ERBB4: variants seen among roughly 807,000 people sequenced by gnomAD.
ERBB4 encodes the protein receptor tyrosine-protein kinase erbB-4.
A neutral mutation model predicts 158.0 loss-of-function variants in ERBB4; 42 were observed. That is an observed-to-expected ratio of 0.27 (90% confidence interval 0.21 to 0.34). ERBB4 has a LOEUF of 0.34. ERBB4 is among the 10% of genes least tolerant of loss of function. The pLI, the probability that ERBB4 is intolerant of heterozygous loss-of-function variation, is 1.00. For missense variants in ERBB4, 1,333 were observed against 1,624.1 expected (o/e 0.82, Z 3.08); for synonymous variants, 583 against 558.7 (o/e 1.04, Z -0.61).
chr2:212,248,100 ATTTTG>A (rs1201899549), intron 1 of ERBB4, among the ~76,000 whole-genome samples: 1 of 152,168 alleles, frequency 6.6e-6, no homozygotes, highest in Non-Finnish European at 1.5e-5. Context: ...CATGGCTTGA[ATTTTG>A]TTTTTACTTT....
intron 13 of ERBB4, among the ~76,000 whole-genome samples, 176 bp from the exon 14 acceptor site, chr2:211,673,433 A>AT (rs1416699172): frequency 2.7e-5 from 4 of 148,214 alleles, no homozygotes; most frequent in Non-Finnish European, 6.0e-5. Flanking sequence ...AACTGCAGCC[A>AT]GATGGCTCTC....
rs1382065948 is a variant in ERBB4, at chr2:212,249,454, AACAT to A, written c.83-124555_83-124552del. 2.3e-4 allele frequency among the ~76,000 whole-genome samples: 23 copies of A among 100,016 alleles called. 1 individual carries two copies. Among genetic ancestry groups the A allele is most frequent in the African/African-American group, 8.5e-4 (23 of 27,116 alleles). 65.6% of individuals were successfully genotyped at this position (100,016 alleles called of 152,430 possible). On this transcript the variant is annotated intron_variant, in intron 1 of 27. Transcript: ENST00000342788. ...TCATGATATAGAAAAGATAGGTTGA[AACAT>A]ACAATTAGCTAGAGGGAAAAGCAAG...
intron 19 of ERBB4, among the ~76,000 whole-genome samples, chr2:211,596,593 C>G (rs1334568998): frequency 6.6e-6 from 1 of 152,082 alleles, no homozygotes; most frequent in African/African-American, 2.4e-5. Flanking sequence ...TTTCCAGCAC[C>G]CTGAGACCCC....
At chr2:211,566,669 T>C (rs989374086) in intron 19 of ERBB4, among the ~76,000 whole-genome samples, 23 of 152,174 alleles carry the variant, frequency 1.5e-4, no homozygotes, top group Admixed American at 1.2e-3. Context: ...GTTCCTTCAT[T>C]GAATTATAAC....
intron 20 of ERBB4, among the ~76,000 whole-genome samples, chr2:211,501,755 T>C (rs62178814): frequency 0.099 from 15,071 of 152,122 alleles, 915 homozygotes; most frequent in African/African-American, 0.17. Context: ...CTAAAATGTA[T>C]TCTATAGCTT....
At chr2:212,164,285 TATG>T (rs1329005707) in intron 1 of ERBB4, among the ~76,000 whole-genome samples, 4 of 96,664 alleles carry the variant, frequency 4.1e-5, no homozygotes, top group Non-Finnish European at 6.9e-5. Flanking sequence ...TTCAAAGACG[TATG>T]ATATTTTTAA....
chr2:211,929,042 A>T (rs538836025), intron 3 of ERBB4, among the ~76,000 whole-genome samples: 16 of 152,168 alleles, frequency 1.1e-4, no homozygotes, highest in Non-Finnish European at 1.8e-4. Context: ...CATACCAATA[A>T]GCAAATGAAA....
intron 4 of ERBB4, chr2:211,779,110 C>T (rs774979062): frequency 1.3e-5 from 2 of 152,164 alleles, no homozygotes; most frequent in African/African-American, 2.4e-5. Flanking sequence ...CATATATTTA[C>T]AGTAGGGGTA....
At chr2:212,401,658 T>C (rs1021703557) in intron 1 of ERBB4, among the ~76,000 whole-genome samples, 2 of 152,146 alleles carry the variant, frequency 1.3e-5, no homozygotes, top group African/African-American at 4.8e-5. Flanking sequence ...AATTAACCAT[T>C]ATGTTTATTA....
intron 1 of ERBB4, among the ~76,000 whole-genome samples, chr2:212,528,010 T>C (rs181995092): frequency 1.1e-3 from 162 of 151,870 alleles, no homozygotes; most frequent in Non-Finnish European, 1.6e-3. Context: ...AAATCTTGCA[T>C]ACGCCCCTGA....
chr2:211,556,475 T>C (rs534780537), intron 20 of ERBB4, among the ~76,000 whole-genome samples: 2 of 152,252 alleles, frequency 1.3e-5, no homozygotes, highest in East Asian at 3.9e-4. Flanking sequence ...CCAAAAACAA[T>C]AGAATATACT....
chr2:212,122,221 G>C (rs1464443851), intron 2 of ERBB4, among the ~76,000 whole-genome samples: 1 of 151,558 alleles, frequency 6.6e-6, no homozygotes, highest in Non-Finnish European at 1.5e-5. Context: ...TTACATATCT[G>C]TCATCCTCAA....
chr2:211,941,615 C>T (rs2080499087), intron 3 of ERBB4, among the ~76,000 whole-genome samples: 1 of 151,944 alleles, frequency 6.6e-6, no homozygotes, highest in African/African-American at 2.4e-5. Context: ...AAAGACAGCA[C>T]TCTTCCTGAG....
At chr2:211,823,585 T>C (rs544354137) in intron 3 of ERBB4, among the ~76,000 whole-genome samples, 18 of 152,048 alleles carry the variant, frequency 1.2e-4, no homozygotes, top group Non-Finnish European at 2.5e-4. Flanking sequence ...ATGGAGAATC[T>C]ATAGAACCTT....
rs970608899 is a variant in ERBB4 at position 211,659,897 on chromosome 2, G to A, written c.1872-2069C>T. ...TGAAAAAGTGGTTCATGGTAGTGTG[G>A]AGGGCAGACACCTAGAGCCAACCTA... On this transcript the variant is annotated intron_variant, in intron 15 of 27. Coordinates refer to ENST00000342788, the MANE Select transcript of ERBB4 (RefSeq NM_005235.3). Among the ~76,000 whole-genome samples the A allele has an allele frequency of 3.9e-5, 6 of 152,284 alleles. No individual in the cohort carries two copies. In the Middle Eastern group the frequency reaches 0.014, roughly 345 times the overall value.
At chr2:211,695,174 C>T (rs536506319) in intron 12 of ERBB4, among the ~76,000 whole-genome samples, 133 of 152,222 alleles carry the variant, frequency 8.7e-4, no homozygotes, top group African/African-American at 3.2e-3. Flanking sequence ...ACCTTCCATT[C>T]CCTACTTATT....
At chr2:212,487,662 G>T (rs1182943442) in intron 1 of ERBB4, among the ~76,000 whole-genome samples, 11 of 151,370 alleles carry the variant, frequency 7.3e-5, no homozygotes, top group Non-Finnish European at 2.9e-5. Context: ...CATATTACAT[G>T]CCATCAAAGA....
chr2:212,421,359 G>T (rs1268448854), intron 1 of ERBB4, among the ~76,000 whole-genome samples: 3 of 152,076 alleles, frequency 2.0e-5, no homozygotes, highest in Non-Finnish European at 4.4e-5. Flanking sequence ...ATTGACAGCT[G>T]CCAGTTTTCA....
At chr2:212,327,911 G>T in intron 1 of ERBB4, among the ~76,000 whole-genome samples, 1 of 150,154 alleles carries the variant, frequency 6.7e-6, no homozygotes, top group South Asian at 2.1e-4. Flanking sequence ...TACTCTTTCT[G>T]CTTTAATCAC....
Sources: allele counts gnomAD v4.1 joint callset (sites outside exome capture counted in the v4.1 genomes callset), GRCh38; gene constraint gnomAD v4.1.1; transcripts MANE v1.5; gene names NCBI Gene and HGNC (gene_info 2026-07-23, HGNC 2026-07-21).